Variants in NKAIN3 observed in about 807,000 individuals in gnomAD.
NKAIN3 encodes the protein sodium/potassium-transporting ATPase subunit beta-1-interacting protein 3.
In NKAIN3, 25 loss-of-function variants were observed where a neutral mutation model predicts 30.2. The observed-to-expected ratio is 0.83, with a 90% CI of 0.60 to 1.16. NKAIN3 has a LOEUF of 1.16. Among genes scored for constraint, NKAIN3 ranks in the 50% most tolerant of loss-of-function variants. NKAIN3 has a pLI of 0.00. For synonymous variants in NKAIN3, 91 were observed against 89.6 expected (o/e 1.02, Z -0.09); for missense variants, 225 against 254.1 (o/e 0.89, Z 0.78).
chr8:62,253,853 A>G (rs537500701), intron 1 of NKAIN3, among the ~76,000 whole-genome samples: 24 of 152,248 alleles, frequency 1.6e-4, no homozygotes, highest in Middle Eastern at 3.4e-3. Context: ...ATGCTGAAAT[A>G]TATTTCTTTT....
chr8:62,471,993 C>T (rs933050641), intron 1 of NKAIN3, among the ~76,000 whole-genome samples: 1 of 150,730 alleles, frequency 6.6e-6, no homozygotes, highest in African/African-American at 2.4e-5. Flanking sequence ...CAGCCTGCGC[C>T]CAGCCTGGGT....
At position 62,869,769 on chromosome 8, in the gene NKAIN3, G is replaced by C. The variant is rs147862074; in HGVS notation, c.472-48684G>C. Among the ~76,000 whole-genome samples the C allele has an allele frequency of 9.9e-3, 1,499 of 151,710 alleles. 18 individuals carry two copies. The highest frequency in any genetic ancestry group is 0.057 in the South Asian group (273 of 4,806). Reference sequence around the variant, plus strand: ...TTTTCCTTTGTTTGTTTCTGTTTTTGTTTTTGTTTTTGTTTTGAGACAGAG... The same window carrying C: ...TTTTCCTTTGTTTGTTTCTGTTTTTCTTTTTGTTTTTGTTTTGAGACAGAG... On this transcript the variant is annotated intron_variant, in intron 4 of 6. Coordinates refer to ENST00000623646, the MANE Select transcript of NKAIN3 (RefSeq NM_001304533.3).
At chr8:62,500,992 TG>T (rs1339624143) in intron 1 of NKAIN3, among the ~76,000 whole-genome samples, 2 of 152,144 alleles carry the variant, frequency 1.3e-5, no homozygotes, top group African/African-American at 4.8e-5. Context: ...AGAAAAAAAT[TG>T]AGAAAATATC....
chr8:62,871,826 TC>T (rs1820655821), intron 4 of NKAIN3, among the ~76,000 whole-genome samples: 1 of 152,232 alleles, frequency 6.6e-6, no homozygotes, highest in Non-Finnish European at 1.5e-5. Context: ...ATCTGACCAA[TC>T]TAGAATATCT....
chr8:62,511,356 T>C (rs75802365), intron 1 of NKAIN3, among the ~76,000 whole-genome samples: 9,969 of 152,170 alleles, frequency 0.066, 462 homozygotes, highest in Middle Eastern at 0.11. Flanking sequence ...CCAGCAACTC[T>C]CTAGGTCACT....
intron 4 of NKAIN3, among the ~76,000 whole-genome samples, chr8:62,875,538 C>A (rs1820770685): frequency 6.6e-6 from 1 of 152,166 alleles, no homozygotes; most frequent in South Asian, 2.1e-4. Context: ...GCAAAAAGAA[C>A]AAAGCTTGAG....
chr8:62,630,692 C>T (rs1363876371), intron 3 of NKAIN3, among the ~76,000 whole-genome samples: 3 of 152,102 alleles, frequency 2.0e-5, no homozygotes, highest in Non-Finnish European at 4.4e-5. Context: ...GCAAACATTG[C>T]TTGTTATTTC....
chr8:62,594,562 A>G (rs377347086), intron 3 of NKAIN3, among the ~76,000 whole-genome samples: 7 of 152,196 alleles, frequency 4.6e-5, no homozygotes, highest in African/African-American at 1.7e-4. Flanking sequence ...CAAAGGCCCA[A>G]CCAAATGTTT....
At chr8:62,351,545 C>A (rs941906354) in intron 1 of NKAIN3, among the ~76,000 whole-genome samples, 5 of 149,942 alleles carry the variant, frequency 3.3e-5, no homozygotes, top group Admixed American at 2.0e-4. Context: ...AAATACACAA[C>A]ATATATCATA....
At chr8:62,381,358 G>A (rs762973217) in intron 1 of NKAIN3, among the ~76,000 whole-genome samples, 3 of 151,988 alleles carry the variant, frequency 2.0e-5, no homozygotes, top group Non-Finnish European at 2.9e-5. Context: ...TTTACTCTTA[G>A]CCTAAATCGT....
At chr8:62,875,992 T>A (rs1360036029) in intron 4 of NKAIN3, among the ~76,000 whole-genome samples, 1 of 152,044 alleles carries the variant, frequency 6.6e-6, no homozygotes, top group Non-Finnish European at 1.5e-5. Flanking sequence ...CTAATTAAAC[T>A]AAAGAGCTAA....
intron 1 of NKAIN3, among the ~76,000 whole-genome samples, chr8:62,404,959 T>G (rs911655139): frequency 3.3e-5 from 5 of 152,092 alleles, no homozygotes; most frequent in African/African-American, 1.2e-4. Context: ...CAAGGACTCT[T>G]TAGTCAGCAG....
At chr8:62,909,895 T>C (rs1416760045) in intron 4 of NKAIN3, among the ~76,000 whole-genome samples, 3 of 152,168 alleles carry the variant, frequency 2.0e-5, no homozygotes, top group Non-Finnish European at 4.4e-5. Flanking sequence ...AATGGTACTG[T>C]CTATCTCCAT....
At chr8:62,456,839 T>C (rs565736066) in intron 1 of NKAIN3, among the ~76,000 whole-genome samples, 2 of 152,384 alleles carry the variant, frequency 1.3e-5, no homozygotes, top group East Asian at 3.9e-4. Context: ...ATAATCCTAA[T>C]GCACCCAGCC....
At chr8:62,566,468 A>AAAATT (rs1809752918) in intron 1 of NKAIN3, among the ~76,000 whole-genome samples, 1 of 151,740 alleles carries the variant, frequency 6.6e-6, no homozygotes, top group Admixed American at 6.6e-5. Flanking sequence ...AGAAAGAAAA[A>AAAATT]AATTAATTAA....
At chr8:62,784,420 T>A (rs1353423247) in intron 4 of NKAIN3, among the ~76,000 whole-genome samples, 2 of 151,576 alleles carry the variant, frequency 1.3e-5, no homozygotes, top group East Asian at 3.9e-4. Context: ...AAGGCATAAA[T>A]CATGAAAATC....
intron 1 of NKAIN3, among the ~76,000 whole-genome samples, chr8:62,550,990 T>C (rs968871561): frequency 3.3e-5 from 5 of 152,198 alleles, no homozygotes; most frequent in African/African-American, 1.2e-4. Context: ...TTTGTATGGC[T>C]GAATTCTTTG....
At chr8:62,661,541 G>T (rs1043117330) in intron 3 of NKAIN3, among the ~76,000 whole-genome samples, 30 of 152,212 alleles carry the variant, frequency 2.0e-4, no homozygotes, top group African/African-American at 7.2e-4. Context: ...TTTCAGTCCA[G>T]ATCATCTCTA....
At chr8:62,663,412 G>A (rs1176444835) in intron 3 of NKAIN3, among the ~76,000 whole-genome samples, 3 of 152,146 alleles carry the variant, frequency 2.0e-5, no homozygotes, top group Non-Finnish European at 2.9e-5. Context: ...GAAAATGAGA[G>A]GTCAGGCATA....
Sources: gnomAD v4.1 joint callset for allele counts (sites outside exome capture counted in the v4.1 genomes callset) on GRCh38, gnomAD v4.1.1 for gene constraint, MANE v1.5 for transcripts, NCBI Gene and HGNC (gene_info 2026-07-23, HGNC 2026-07-21) for gene names.